Variants in ACE observed in about 807,000 individuals in gnomAD.
The protein encoded by ACE is angiotensin I converting enzyme.
ACE carries 122 observed loss-of-function variants against 162.3 expected under a neutral mutation model. The observed-to-expected ratio is 0.75, with a 90% confidence interval of 0.65 to 0.87. The LOEUF is 0.87. Ranked by LOEUF, ACE falls within the 40% of genes least tolerant of loss-of-function variation. The pLI is 0.00. For synonymous variants in ACE, 796 were observed against 720.6 expected, an observed-to-expected ratio of 1.10 and a Z score of -1.68; for missense variants, 1,799 against 1,735.1, an observed-to-expected ratio of 1.04 and a Z score of -0.65.
At chr17:63,489,158 G>A in intron 17 of ACE, 26 bp downstream of exon 17, 1 of 1,601,230 alleles carries the variant, frequency 6.2e-7, no homozygotes, top group East Asian at 2.2e-5. Context: ...GGGCCTTGAG[G>A]AGGGTAAAGA....
At position 63,497,324 on chromosome 17, in the gene ACE, C is replaced by T. The variant is rs1013454628; in HGVS notation, c.3879C>T (p.His1293=). 26 of 1,548,988 alleles carry T rather than the reference C, an allele frequency of 1.7e-5. No homozygotes were observed. The highest frequency in any genetic ancestry group is 2.0e-4 in the Middle Eastern group (1 of 5,054). The change falls in exon 25 of 25, where the codon CAC becomes CAT. Residue 1293 remains histidine, a synonymous_variant. Coordinates refer to ENST00000290866, the MANE Select transcript of ACE (RefSeq NM_000789.4). ...ACCGCAGCCTCCACCGGCACTCCCA[C>T]GGGCCCCAGTTCGGCTCCGAGGTGG... is the stretch of plus-strand genomic sequence containing the variant. ...IRHRSLHRHS[H]GPQFGSEVEL... is the part of the protein sequence containing the mutation.
intron 2 of ACE, 179 bp downstream of exon 2, chr17:63,478,277 G>T: frequency 2.5e-6 from 2 of 785,288 alleles, no homozygotes; most frequent in Non-Finnish European, 4.0e-6. Flanking sequence ...TTGGAGATGG[G>T]GTGGGGAGTT....
At chr17:63,482,378 G>C (rs1362060607) in intron 7 of ACE, 88 bp from the exon 8 acceptor site, 1 of 1,215,284 alleles carries the variant, frequency 8.2e-7, no homozygotes. Context: ...CCTCATTCCT[G>C]TCTTTCAGGT....
In ACE at chr17:63,481,724, C is replaced by G. The variant is rs1482676646; in HGVS notation, c.1104C>G (p.Asn368Lys). 1.2e-6 allele frequency: 2 copies of G among 1,614,010 alleles called. No homozygotes were observed. The highest frequency in any genetic ancestry group is 2.7e-5 in the African/African-American group (2 of 74,924). The change falls in exon 7 of 25, where the codon AAC becomes AAG. Residue 368 changes from asparagine to lysine, a missense_variant. Transcript: ENST00000290866. The stretch of plus-strand genomic sequence containing the variant: ...ACGCCTCGGCTTGGGACTTCTACAA[C>G]AGGAAAGACTTCAGGTTCAGACATG... ...VCHASAWDFY[N>K]RKDFRIKQCT...
At position 63,483,562 on chromosome 17, in the gene ACE, T is replaced by G. The variant is rs1406748672; in HGVS notation, c.1586+4T>G. 4 of 1,609,540 alleles carry G rather than the reference T, an allele frequency of 2.5e-6. No individual in the cohort carries two copies. The highest frequency in any genetic ancestry group is 3.4e-6 in the Non-Finnish European group (4 of 1,176,656). On this transcript the variant is annotated splice_donor_region_variant and intron_variant, in intron 10 of 24. Coordinates refer to ENST00000290866, the MANE Select transcript of ACE (RefSeq NM_000789.4). ...CAAATGTGACACCATACATCAGGTA[T>G]TAGCGCCCCCACCCCACCCACCCCC... is the stretch of plus-strand genomic sequence containing the variant.
At chr17:63,482,846 A>T (rs549414079) in intron 8 of ACE, among the ~76,000 whole-genome samples, 157 bp downstream of exon 8, 1 of 152,026 alleles carries the variant, frequency 6.6e-6, no homozygotes, top group African/African-American at 2.4e-5. Context: ...CACGGTGCAC[A>T]CTGCGCCCAG....
Position 63,494,091 on chromosome 17 carries a change from C to T in ACE, c.3281+25C>T, listed in dbSNP as rs4354. The stretch of plus-strand genomic sequence containing the variant: ...GGTTCTGGAACACTCCCACGGGATG[C>T]GGGCTGGGGGATCTCTGCGAGTGTC... On this transcript the variant is annotated intron_variant, in intron 21 of 24. Transcript: ENST00000290866. The T allele has an allele frequency of 0.029, 46,768 of 1,612,888 alleles. 1,465 individuals are homozygous for T. Among genetic ancestry groups the T allele is most frequent in the African/African-American group, 0.15 (11,598 of 74,902 alleles).
chr17:63,492,847 C>A (rs556378225), intron 19 of ACE, among the ~76,000 whole-genome samples: 2 of 152,244 alleles, frequency 1.3e-5, no homozygotes, highest in Admixed American at 6.5e-5. Context: ...CATAGCGAGA[C>A]CCCATTTCAT....
chr17:63,496,977 C>T lies in ACE; in HGVS notation c.3683C>T (p.Pro1228Leu), dbSNP rs121912703. 3.1e-5 allele frequency: 50 copies of T among 1,610,566 alleles called. No homozygotes were observed. Among genetic ancestry groups the T allele is most frequent in the Non-Finnish European group, 4.1e-5 (48 of 1,179,260 alleles). The change falls in exon 24 of 25, where the codon CCG (proline) becomes CTG (leucine). Residue 1228 changes from proline to leucine, a missense_variant. By Grantham distance (98) the Pro-to-Leu change is moderately conservative. Transcript: ENST00000290866. ...GGCTGGCCGCAGTACAACTGGACGC[C>T]GAACTCCGGTACCGCCACCCACCCC... ...KLGWPQYNWTPNSARSEGPLP... is the reference protein window; with the variant it reads ...KLGWPQYNWTLNSARSEGPLP...
intron 22 of ACE, 45 bp from the exon 23 acceptor site, chr17:63,496,349 C>T (rs1357183568): frequency 2.3e-5 from 37 of 1,613,702 alleles, no homozygotes; most frequent in Non-Finnish European, 3.0e-5. Context: ...TGGCACAAGG[C>T]CCTCAACCAA....
chr17:63,492,899 G>A (rs1363978220), intron 19 of ACE, among the ~76,000 whole-genome samples: 1 of 152,212 alleles, frequency 6.6e-6, no homozygotes, highest in Non-Finnish European at 1.5e-5. Context: ...GGACTGACGA[G>A]AGACGGTAGA....
chr17:63,493,011 C>T (rs1009382795), intron 19 of ACE, among the ~76,000 whole-genome samples: 5 of 152,184 alleles, frequency 3.3e-5, no homozygotes, highest in African/African-American at 7.2e-5. Flanking sequence ...GATGCAGAAT[C>T]GCCCACTCTC....
At position 63,488,620 on chromosome 17, in the gene ACE, G is replaced by GT. The variant is rs753214252; in HGVS notation, c.2306-28_2306-27insT. 10 of 1,611,650 alleles carry GT rather than the reference G, an allele frequency of 6.2e-6. No individual in the cohort carries two copies. In the African/African-American group the frequency reaches 1.2e-4, roughly 19 times the overall value. On this transcript the variant is annotated intron_variant, in intron 15 of 24. Coordinates refer to ENST00000290866, the MANE Select transcript of ACE (RefSeq NM_000789.4). Reference sequence around the variant, plus strand: ...ACAAGCAGAGGTGAGCTAAGGGCTGGAGCTCAAGGCATTCAAACCCCTACC... The same window carrying GT: ...ACAAGCAGAGGTGAGCTAAGGGCTGGTAGCTCAAGGCATTCAAACCCCTACC...
chr17:63,479,628 G>A, intron 3 of ACE, 141 bp from the exon 4 acceptor site: 2 of 1,134,692 alleles, frequency 1.8e-6, no homozygotes, highest in South Asian at 2.7e-5. Flanking sequence ...CACCAGGCCT[G>A]TAGGTGGCCC....
chr17:63,488,599 G>A (rs748279447), intron 15 of ACE, 49 bp from the exon 16 acceptor site: 2 of 1,604,630 alleles, frequency 1.2e-6, no homozygotes, highest in South Asian at 2.2e-5. Context: ...CCCCTTACAA[G>A]CAGAGGTGAG....
At position 63,485,078 on chromosome 17, in the gene ACE, C is replaced by T. The variant is rs371317152; in HGVS notation, c.1922-158C>T. 4 of 1,603,066 alleles carry T rather than the reference C, an allele frequency of 2.5e-6. No individual in the cohort carries two copies. In the African/African-American group the frequency reaches 5.4e-5, roughly 21 times the overall value. ...AGCCCAGAGCCCAAGTGGGACCATG[C>T]AGGGGAGGGGCAGGGTGCCAGGGGT... On this transcript the variant is annotated intron_variant, in intron 12 of 24. Transcript: ENST00000290866.
rs762698932 is a variant in ACE, at chr17:63,485,451, G to A, written c.2058+79G>A. 4 of 1,573,388 alleles carry A rather than the reference G, an allele frequency of 2.5e-6. No homozygotes were observed. The East Asian group carries it at 9.0e-5, about 35-fold the overall frequency. The stretch of plus-strand genomic sequence containing the variant: ...GCTGTCCCGCTCACCACACAGTGGG[G>A]CTGCCACCACATTTTAAATTGAATA... On this transcript the variant is annotated intron_variant, in intron 13 of 24. Coordinates refer to ENST00000290866, the MANE Select transcript of ACE (RefSeq NM_000789.4).
chr17:63,479,692 G>A (rs1326313193), intron 3 of ACE, 77 bp from the exon 4 acceptor site: 254 of 1,582,270 alleles, frequency 1.6e-4, no homozygotes, highest in Non-Finnish European at 2.2e-4. Flanking sequence ...AGTAAGGACT[G>A]GTGCAGGCTC....
chr17:63,497,296 G>A lies in ACE; in HGVS notation c.3851G>A (p.Arg1284His), dbSNP rs1333987335. 2 of 1,550,920 alleles carry A rather than the reference G, an allele frequency of 1.3e-6. No homozygotes were observed. The highest frequency in any genetic ancestry group is 1.2e-5 in the South Asian group (1 of 84,354). Residue 1284 changes from arginine to histidine, a missense_variant, in exon 25 of 25, where the codon CGC (arginine) becomes CAC (histidine). Physicochemically the swap from Arg to His is conservative, Grantham distance 29. Coordinates refer to ENST00000290866, the MANE Select transcript of ACE (RefSeq NM_000789.4). ...CTCAGCCAGCGGCTCTTCAGCATCCGCCACCGCAGCCTCCACCGGCACTCC... is the reference window on the plus strand; with the variant it reads ...CTCAGCCAGCGGCTCTTCAGCATCCACCACCGCAGCCTCCACCGGCACTCC... ...LGLSQRLFSI[R>H]HRSLHRHSHG...
Sources: gnomAD v4.1 joint callset for allele counts (sites outside exome capture counted in the v4.1 genomes callset) on GRCh38, gnomAD v4.1.1 for gene constraint, MANE v1.5 for transcripts, NCBI Gene and HGNC (gene_info 2026-07-23, HGNC 2026-07-21) for gene names.